Variants in FERMT3 observed in about 807,000 individuals in gnomAD.
The protein encoded by FERMT3 is FERM domain containing kindlin 3, also known as fermitin family homolog 3.
Under a neutral mutation model 80.8 loss-of-function variants are expected in FERMT3, and 33 were observed. The ratio of observed to expected loss-of-function variants is 0.41; its 90% CI spans 0.31 to 0.55. The LOEUF is 0.55. Ranked by LOEUF, FERMT3 falls within the 20% of genes least tolerant of loss-of-function variation. The pLI is 0.31. For synonymous variants in FERMT3, 375 were observed against 372.2 expected (o/e 1.01, Z -0.09); for missense variants, 754 against 908.7 (o/e 0.83, Z 2.19).
chr11:64,211,866 C>A lies in FERMT3; in HGVS notation c.786+119C>A. 2.1e-6 allele frequency: 2 copies of A among 941,706 alleles called. No homozygotes were observed. The highest frequency in any genetic ancestry group is 3.4e-6 in the Non-Finnish European group (2 of 594,376). 58.3% of individuals were successfully genotyped at this position (941,706 alleles called of 1,614,324 possible). A position where few individuals can be genotyped will look rare whatever the true frequency, so the allele number is the denominator to read the frequency against. On this transcript the variant is annotated intron_variant, in intron 6 of 14. Coordinates refer to ENST00000345728, the MANE Select transcript of FERMT3 (RefSeq NM_031471.6). The surrounding 1 kb of genome is among the most constrained non-coding windows in gnomAD (Gnocchi z 4.7). ...GTGGCCTGTCCGTCTGCCCGTTTGTCCATCCACACCTTTGTTTACTGACCC... is the reference window on the plus strand; with the variant it reads ...GTGGCCTGTCCGTCTGCCCGTTTGTACATCCACACCTTTGTTTACTGACCC...
chr11:64,207,729 G>A (rs1946345496), intron 2 of FERMT3: 1 of 618,860 alleles, frequency 1.6e-6, no homozygotes, highest in South Asian at 2.1e-5. Flanking sequence ...CCCTTCTGCT[G>A]CAGCTGGTCT....
chr11:64,217,607 T>A (rs1946579502), intron 6 of FERMT3, among the ~76,000 whole-genome samples: 1 of 152,192 alleles, frequency 6.6e-6, no homozygotes, highest in Admixed American at 6.5e-5. Flanking sequence ...TCCAGCTGTG[T>A]CTGGGGTACC....
chr11:64,213,216 A>T (rs936784132), intron 6 of FERMT3, among the ~76,000 whole-genome samples: 1 of 151,942 alleles, frequency 6.6e-6, no homozygotes, highest in Non-Finnish European at 1.5e-5. Context: ...TTTAGTAGAG[A>T]TGGAGTTTCA....
chr11:64,212,653 G>A (rs1946468239), intron 6 of FERMT3, among the ~76,000 whole-genome samples: 1 of 151,822 alleles, frequency 6.6e-6, no homozygotes, highest in Middle Eastern at 3.4e-3. Context: ...CTTGCTTGGG[G>A]GGTGGCCTCT....
rs754596485 is a variant in FERMT3 at position 64,220,357 on chromosome 11, G to A, written c.1311+31G>A. On this transcript the variant is annotated intron_variant, in intron 11 of 14. Transcript: ENST00000345728. ...TGAGGGCTGGGCAGGGGCCAGGGCC[G>A]GGCAGGAGCTGGGGCAGGGGCAGGG... 65 of 1,608,662 alleles carry A rather than the reference G, an allele frequency of 4.0e-5. No homozygotes were observed. In the Middle Eastern group the frequency reaches 4.9e-4, roughly 12 times the overall value.
intron 6 of FERMT3, among the ~76,000 whole-genome samples, chr11:64,215,480 T>C (rs559582881): frequency 6.6e-6 from 1 of 152,374 alleles, no homozygotes; most frequent in African/African-American, 2.4e-5. Context: ...GAATATATTT[T>C]CCCCCTCTGT....
intron 12 of FERMT3, 152 bp downstream of exon 12, chr11:64,220,821 T>C: frequency 7.8e-7 from 1 of 1,280,856 alleles, no homozygotes; most frequent in South Asian, 1.3e-5. Flanking sequence ...ACCCACCCTT[T>C]GGGAGGAGTC....
At position 64,223,469 on chromosome 11, in the gene FERMT3, A is replaced by C; in HGVS notation, c.1969A>C (p.Thr657Pro). Reference sequence around the variant, plus strand: ...GGATGAAGACCTCTTCCTGCAGCTCACCGGGGGCCATGAGGCCTTCTGAGG... The same window carrying C: ...GGATGAAGACCTCTTCCTGCAGCTCCCCGGGGGCCATGAGGCCTTCTGAGG... ...ELDEDLFLQL[T>P]GGHEAF is the part of the protein sequence containing the mutation. The change falls in exon 15 of 15, where the codon ACC (threonine) becomes CCC (proline). Residue 657 changes from threonine (T) to proline (P), a missense_variant. Transcript: ENST00000345728. 6.2e-7 allele frequency: 1 copy of C among 1,611,098 alleles called. No homozygotes were observed. The highest frequency in any genetic ancestry group is 8.5e-7 in the Non-Finnish European group (1 of 1,179,936).
chr11:64,219,436 G>A lies in FERMT3; in HGVS notation c.894+78G>A. On this transcript the variant is annotated intron_variant, in intron 7 of 14. Coordinates refer to ENST00000345728, the MANE Select transcript of FERMT3 (RefSeq NM_031471.6). This position sits in a 1 kb window ranked among gnomAD's most constrained non-coding sequence, Gnocchi z 4.0. ...GGGCAGGAAGGGCCTTCCTGAGTGGGGGCTACCTCCAGGGAAGCCCGGCCT... is the reference window on the plus strand; with the variant it reads ...GGGCAGGAAGGGCCTTCCTGAGTGGAGGCTACCTCCAGGGAAGCCCGGCCT... The A allele has an allele frequency of 6.4e-7, 1 of 1,559,042 alleles. No individual in the cohort carries two copies. The highest frequency in any genetic ancestry group is 1.9e-5 in the Admixed American group (1 of 51,538).
intron 1 of FERMT3, 109 bp from the exon 2 acceptor site, chr11:64,207,242 C>G: frequency 7.6e-7 from 1 of 1,323,456 alleles, no homozygotes; most frequent in Non-Finnish European, 1.1e-6. Flanking sequence ...CGCCCTCCTT[C>G]ATGAGCGGCT....
chr11:64,221,977 G>A (rs1189275026), intron 13 of FERMT3, among the ~76,000 whole-genome samples: 1 of 147,846 alleles, frequency 6.8e-6, no homozygotes, highest in Non-Finnish European at 1.5e-5. Context: ...GGTGGTTCAC[G>A]TCTGTAATCC....
In FERMT3 at chr11:64,219,677, C is replaced by G. The variant is rs986189621; in HGVS notation, c.1029+19C>G. The stretch of plus-strand genomic sequence containing the variant: ...TGTGCTGGTGAGGAGGGGCTCAGGG[C>G]AGGGGCTGGGCAGGGAGAACTGTGA... On this transcript the variant is annotated intron_variant, in intron 8 of 14. Transcript: ENST00000345728. The surrounding 1 kb of genome is among the most constrained non-coding windows in gnomAD (Gnocchi z 4.0). The G allele has an allele frequency of 1.2e-5, 19 of 1,613,830 alleles. No homozygotes were observed. The highest frequency in any genetic ancestry group is 3.3e-5 in the Admixed American group (2 of 60,002).
At chr11:64,214,198 T>A (rs1946503419) in intron 6 of FERMT3, among the ~76,000 whole-genome samples, 1 of 140,894 alleles carries the variant, frequency 7.1e-6, no homozygotes, top group African/African-American at 2.6e-5. Flanking sequence ...AGATGAGTTT[T>A]GCTCTTGTTG....
At chr11:64,209,131 G>A (rs1946382150) in intron 2 of FERMT3, among the ~76,000 whole-genome samples, 1 of 152,202 alleles carries the variant, frequency 6.6e-6, no homozygotes. Context: ...GTGTCCCCCA[G>A]CCCTGAGAGG....
At chr11:64,222,174 G>T (rs1946702469) in intron 13 of FERMT3, among the ~76,000 whole-genome samples, 1 of 151,738 alleles carries the variant, frequency 6.6e-6, no homozygotes, top group Non-Finnish European at 1.5e-5. Flanking sequence ...GGGAGGTGGA[G>T]GTTGCAGTGA....
At chr11:64,206,677 A>T (rs1946316277), upstream of FERMT3, 1 of 152,776 alleles carries the variant, frequency 6.5e-6, no homozygotes, top group Non-Finnish European at 1.5e-5. Flanking sequence ...GGAGGGGCTG[A>T]ACCCGCCCTG....
chr11:64,214,908 T>G (rs1416654665), intron 6 of FERMT3, among the ~76,000 whole-genome samples: 1 of 151,760 alleles, frequency 6.6e-6, no homozygotes, highest in African/African-American at 2.4e-5. Context: ...GTTCACGCGA[T>G]TCTCCTGCCT....
rs774770447 is a variant in FERMT3 at position 64,211,808 on chromosome 11, G to A, written c.786+61G>A. ...CATGAGATGTGGAGACCTAGGGCCT[G>A]GGGTATGGGCTCTGGGATGTTAGTG... is the stretch of plus-strand genomic sequence containing the variant. On this transcript the variant is annotated intron_variant, in intron 6 of 14. Coordinates refer to ENST00000345728, the MANE Select transcript of FERMT3 (RefSeq NM_031471.6). This position sits in a 1 kb window ranked among gnomAD's most constrained non-coding sequence, Gnocchi z 4.7. The A allele has an allele frequency of 1.1e-5, 16 of 1,500,190 alleles. No homozygotes were observed. The highest frequency in any genetic ancestry group is 1.5e-5 in the Non-Finnish European group (16 of 1,077,696). 92.9% of individuals were successfully genotyped at this position (1,500,190 alleles called of 1,614,324 possible). A position where few individuals can be genotyped will look rare whatever the true frequency, so the allele number is the denominator to read the frequency against.
rs766624922 is a variant in FERMT3, at chr11:64,211,793, G to A, written c.786+46G>A. ...AGCGGGCCTCAGGTCCATGAGATGT[G>A]GAGACCTAGGGCCTGGGGTATGGGC... On this transcript the variant is annotated intron_variant, in intron 6 of 14. Coordinates refer to ENST00000345728, the MANE Select transcript of FERMT3 (RefSeq NM_031471.6). The surrounding 1 kb of genome is among the most constrained non-coding windows in gnomAD (Gnocchi z 4.7). 2.5e-5 allele frequency: 39 copies of A among 1,563,686 alleles called. No homozygotes were observed. Among genetic ancestry groups the A allele is most frequent in the Non-Finnish European group, 3.2e-5 (36 of 1,134,670 alleles).
Sources: allele counts gnomAD v4.1 joint callset (sites outside exome capture counted in the v4.1 genomes callset), GRCh38; gene constraint gnomAD v4.1.1; non-coding constraint Gnocchi (gnomAD v3.1); transcripts MANE v1.5; gene names NCBI Gene and HGNC (gene_info 2026-07-23, HGNC 2026-07-21).